Variants in MAPRE2 observed in about 807,000 individuals in gnomAD.
MAPRE2 encodes microtubule associated protein RP/EB family member 2, also known as microtubule-associated protein RP/EB family member 2.
A neutral mutation model predicts 43.2 loss-of-function variants in MAPRE2; 13 were observed. The ratio of observed to expected loss-of-function variants is 0.30; its 90% CI spans 0.20 to 0.48. MAPRE2 has a LOEUF of 0.48. MAPRE2 is among the 20% of genes least tolerant of loss of function. The pLI is 0.99. For synonymous variants in MAPRE2, 135 were observed against 148.8 expected (o/e 0.91, Z 0.68); for missense variants, 161 against 400.2 (o/e 0.40, Z 5.10).
upstream of MAPRE2, among the ~76,000 whole-genome samples, chr18:35,040,414 C>CAGTAA (rs2097053035): frequency 6.6e-6 from 1 of 152,130 alleles, no homozygotes; most frequent in Non-Finnish European, 1.5e-5. Context: ...CATTACTGTC[C>CAGTAA]AGTCACATTG....
In MAPRE2 at chr18:35,127,062, C is replaced by T. The variant is rs201185911; in HGVS notation, c.725C>T (p.Thr242Met). 60 of 1,614,090 alleles carry T rather than the reference C, an allele frequency of 3.7e-5. No homozygotes were observed. In the East Asian group the frequency reaches 7.4e-4, roughly 20 times the overall value. Residue 242 changes from threonine to methionine, a missense_variant, in exon 5 of 7, where the codon ACG becomes ATG. This residue lies in a region of MAPRE2 where 96 missense variants were observed against 153.3 expected (regional missense o/e 0.63). Transcript: ENST00000300249. ...TCCAAATCCGATAAAGATTTAGAAA[C>T]GCAGGTCATACAGCTTAATGAACAG... ...SASKSDKDLE[T>M]QVIQLNEQVH...
At chr18:35,072,995 G>A (rs956331844) in intron 2 of MAPRE2, among the ~76,000 whole-genome samples, 1 of 152,034 alleles carries the variant, frequency 6.6e-6, no homozygotes, top group Non-Finnish European at 1.5e-5. Flanking sequence ...ATTTTAGGTA[G>A]CAGTTTTCTC....
chr18:35,093,557 T>A (rs560948069), intron 2 of MAPRE2, among the ~76,000 whole-genome samples: 28 of 152,280 alleles, frequency 1.8e-4, no homozygotes, highest in African/African-American at 6.3e-4. Context: ...AAAAGTGGTA[T>A]AAATACACAA....
chr18:35,094,720 A>G (rs769562197), intron 2 of MAPRE2, among the ~76,000 whole-genome samples: 1 of 152,172 alleles, frequency 6.6e-6, no homozygotes, highest in Non-Finnish European at 1.5e-5. Context: ...GACAGGAACC[A>G]AAGGATGCTA....
intron 3 of MAPRE2, among the ~76,000 whole-genome samples, chr18:35,098,695 T>C (rs1407264100): frequency 6.6e-6 from 1 of 152,230 alleles, no homozygotes. Context: ...TTATAATACC[T>C]CTTGTGTCTT....
At chr18:35,137,000 A>G (rs1910418573) in intron 6 of MAPRE2, among the ~76,000 whole-genome samples, 1 of 152,224 alleles carries the variant, frequency 6.6e-6, no homozygotes, top group African/African-American at 2.4e-5. Flanking sequence ...CATGGGTTTA[A>G]GTTCTTCATT....
intron 2 of MAPRE2, 81 bp from the exon 3 acceptor site, chr18:35,097,365 A>T: frequency 7.6e-7 from 1 of 1,319,018 alleles, no homozygotes; most frequent in Non-Finnish European, 1.1e-6. Context: ...CTGTAAGGAC[A>T]ATCCCCTTCC....
chr18:35,111,075 A>G (rs189925203), intron 4 of MAPRE2, among the ~76,000 whole-genome samples: 2 of 152,100 alleles, frequency 1.3e-5, no homozygotes, highest in Admixed American at 6.5e-5. Context: ...ATTTATCCAT[A>G]TGTTAGAGCT....
At chr18:35,102,191 T>C in intron 4 of MAPRE2, 32 bp downstream of exon 4, 1 of 1,495,942 alleles carries the variant, frequency 6.7e-7, no homozygotes, top group Non-Finnish European at 9.0e-7. Flanking sequence ...GGGAGTTGCT[T>C]TCATCTTTGA....
intron 1 of MAPRE2, among the ~76,000 whole-genome samples, chr18:34,985,453 C>A (rs1307460522): frequency 2.8e-5 from 1 of 35,786 alleles, no homozygotes; most frequent in African/African-American, 1.3e-4. Flanking sequence ...ATTTATATAA[C>A]TATATTGTAT....
upstream of MAPRE2, among the ~76,000 whole-genome samples, chr18:35,038,051 C>G (rs1035303391): frequency 2.0e-5 from 3 of 152,226 alleles, no homozygotes; most frequent in African/African-American, 7.2e-5. Flanking sequence ...GTATCTCTCT[C>G]TCTACAGATG....
chr18:35,119,027 G>A (rs933390657), intron 4 of MAPRE2, among the ~76,000 whole-genome samples: 1 of 152,176 alleles, frequency 6.6e-6, no homozygotes, highest in African/African-American at 2.4e-5. Context: ...TGGAAGTTGT[G>A]ACTATGGAGT....
intron 2 of MAPRE2, among the ~76,000 whole-genome samples, chr18:35,020,741 T>C (rs1475680190): frequency 6.6e-6 from 1 of 152,200 alleles, no homozygotes; most frequent in Non-Finnish European, 1.5e-5. Flanking sequence ...AACATTACTT[T>C]ATTTAAAAAG....
chr18:35,063,118 T>C (rs999420798), intron 1 of MAPRE2, among the ~76,000 whole-genome samples: 1 of 152,132 alleles, frequency 6.6e-6, no homozygotes, highest in African/African-American at 2.4e-5. Context: ...GTTGTTTTTT[T>C]TTTGAGATGG....
At chr18:35,070,811 C>T (rs546089329) in intron 2 of MAPRE2, among the ~76,000 whole-genome samples, 1 of 152,058 alleles carries the variant, frequency 6.6e-6, no homozygotes, top group Admixed American at 6.5e-5. Context: ...TCTTTGTTCC[C>T]TAAAGACTCT....
At chr18:35,052,434 A>G (rs570592029) in intron 1 of MAPRE2, among the ~76,000 whole-genome samples, 3 of 152,328 alleles carry the variant, frequency 2.0e-5, no homozygotes, top group Middle Eastern at 3.4e-3. Flanking sequence ...ATTTCATTGT[A>G]TGGCTATACC....
chr18:35,052,481 T>A (rs1038468261), intron 1 of MAPRE2, among the ~76,000 whole-genome samples: 9 of 152,252 alleles, frequency 5.9e-5, no homozygotes, highest in African/African-American at 1.4e-4. Context: ...GATGAACATT[T>A]ATGTTTCCAG....
intron 2 of MAPRE2, among the ~76,000 whole-genome samples, chr18:35,074,039 A>C (rs1478104743): frequency 6.6e-6 from 1 of 152,196 alleles, no homozygotes; most frequent in African/African-American, 2.4e-5. Context: ...TCTTGTGACA[A>C]ACAACCTTTA....
At chr18:35,102,263 A>G (rs975188588) in intron 4 of MAPRE2, 104 bp downstream of exon 4, 8 of 787,802 alleles carry the variant, frequency 1.0e-5, no homozygotes, top group Non-Finnish European at 1.6e-5. Context: ...TCAACAGTCA[A>G]TATTTTAATG....
Sources: gnomAD v4.1 joint callset for allele counts (sites outside exome capture counted in the v4.1 genomes callset) on GRCh38, gnomAD v4.1.1 for gene constraint, gnomAD v4.1.1 regional missense constraint, MANE v1.5 for transcripts, NCBI Gene and HGNC (gene_info 2026-07-23, HGNC 2026-07-21) for gene names.